UMODL1: variants seen among roughly 807,000 people sequenced by gnomAD.
The protein encoded by UMODL1 is uromodulin-like 1.
Under a neutral mutation model 136.3 loss-of-function variants are expected in UMODL1, and 128 were observed. That is an observed-to-expected ratio of 0.94 (90% CI 0.81 to 1.09). The LOEUF is 1.09. UMODL1 is among the 50% of genes least tolerant of loss of function. The pLI is 0.00. For synonymous variants in UMODL1, 721 were observed against 720.0 expected, an observed-to-expected ratio of 1.00 and a Z score of -0.02; for missense variants, 1,766 against 1,725.6, an observed-to-expected ratio of 1.02 and a Z score of -0.41.
rs117056099 is a variant in UMODL1 at position 42,125,022 on chromosome 21, G to A, written c.3148-1323G>A. Among the ~76,000 whole-genome samples the A allele has an allele frequency of 2.4e-3, 372 of 152,240 alleles. 20 individuals carry two copies. The East Asian group carries it at 0.067, about 28-fold the overall frequency. On this transcript the variant is annotated intron_variant, in intron 17 of 22. Transcript: ENST00000408910. The stretch of plus-strand genomic sequence containing the variant: ...TCCCTGTGGCTCTGCCTCTTGAGGA[G>A]CCTTGAGGGGGTGCTGCTTCTGGTT...
chr21:42,118,568 C>G (rs2066928003), intron 14 of UMODL1, among the ~76,000 whole-genome samples: 1 of 152,134 alleles, frequency 6.6e-6, no homozygotes, highest in Admixed American at 6.5e-5. Context: ...GCAGGAACCC[C>G]CTGTCCTAAT....
Position 42,111,035 on chromosome 21 carries a change from T to TGAG in UMODL1, c.1814_1815insAGG (p.Trp605delinsTer), listed in dbSNP as rs2146503215. ...GGGCACCCCGGCAGCAGGCCAGGCC[T>TGAG]GGACCCCAGAGCCCTCACCCAGAAG... On this transcript the variant is annotated stop_gained, in exon 11 of 23. Transcript: ENST00000408910. LOFTEE classifies it high-confidence loss of function. The TGAG allele has an allele frequency of 6.2e-7, 1 of 1,613,312 alleles. No homozygotes were observed. The highest frequency in any genetic ancestry group is 2.2e-5 in the East Asian group (1 of 44,864).
chr21:42,089,357 GCA>G (rs2066464413), intron 5 of UMODL1, among the ~76,000 whole-genome samples: 1 of 152,136 alleles, frequency 6.6e-6, no homozygotes. Flanking sequence ...CTTCAGATCC[GCA>G]CATGTTCTGC....
Position 42,123,320 on chromosome 21 carries a change from G to C in UMODL1, c.3147+170G>C, listed in dbSNP as rs2067005538. On this transcript the variant is annotated intron_variant, in intron 17 of 22. Transcript: ENST00000408910. This position sits in a 1 kb window ranked among gnomAD's most constrained non-coding sequence, Gnocchi z 4.4. ...CAACCAGGGACCAGCCTGCACCCCA[G>C]AATCGGAAGGGAGCTGTGAGTCCAC... Among the ~76,000 whole-genome samples, 1 of 152,340 alleles carries C rather than the reference G, an allele frequency of 6.6e-6. No homozygotes were observed. Among genetic ancestry groups the C allele is most frequent in the South Asian group, 2.1e-4 (1 of 4,830 alleles).
At chr21:42,130,567 A>G (rs185318483) in intron 21 of UMODL1, among the ~76,000 whole-genome samples, 115 of 151,960 alleles carry the variant, frequency 7.6e-4, no homozygotes, top group Non-Finnish European at 1.1e-3. Context: ...CATGGCTGCC[A>G]GGAATAAAAA....
At chr21:42,138,093 A>C (rs1050019515) in intron 22 of UMODL1, among the ~76,000 whole-genome samples, 5 of 152,182 alleles carry the variant, frequency 3.3e-5, no homozygotes, top group Middle Eastern at 3.4e-3. Context: ...GCCCACCACA[A>C]ATCCCATCTC....
At chr21:42,141,615 G>T (rs1370262630) in intron 22 of UMODL1, among the ~76,000 whole-genome samples, 1 of 152,170 alleles carries the variant, frequency 6.6e-6, no homozygotes, top group Non-Finnish European at 1.5e-5. Flanking sequence ...GTCTTTCTTT[G>T]TTCTCCCGGG....
intron 10 of UMODL1, among the ~76,000 whole-genome samples, chr21:42,110,246 A>C (rs2066800882): frequency 6.6e-6 from 1 of 152,172 alleles, no homozygotes; most frequent in Non-Finnish European, 1.5e-5. Context: ...CAGCAGGAGG[A>C]GGCCACGTAG....
In UMODL1 at chr21:42,103,866, A is replaced by G. The variant is rs780825820; in HGVS notation, c.1300-2A>G. 1 of 1,614,166 alleles carries G rather than the reference A, an allele frequency of 6.2e-7. No homozygotes were observed. Among genetic ancestry groups the G allele is most frequent in the Non-Finnish European group, 8.5e-7 (1 of 1,180,036 alleles). ...TGTCTGCTGTTGCCTCTTCTTGGCT[A>G]GGTCGAGAGCTCCTTCCCACCAGTG... On this transcript the variant is annotated splice_acceptor_variant, in intron 8 of 22. Coordinates refer to ENST00000408910, the MANE Select transcript of UMODL1 (RefSeq NM_001004416.3). LOFTEE classifies it high-confidence loss of function.
chr21:42,090,269 A>G, intron 5 of UMODL1, 29 bp from the exon 6 acceptor site: 1 of 1,612,882 alleles, frequency 6.2e-7, no homozygotes, highest in Non-Finnish European at 8.5e-7. Context: ...GCGACTGCTG[A>G]GTGTGGGTCC....
rs1344350016 is a variant in UMODL1 at position 42,126,495 on chromosome 21, G to A, written c.3293+5G>A. On this transcript the variant is annotated splice_donor_5th_base_variant and intron_variant, in intron 18 of 22. Transcript: ENST00000408910. ...CGGCTTCACCCTGGAGTGGGGGTAA[G>A]GGAGAAATGCCCCGGCTGCCCCACA... 6.2e-7 allele frequency: 1 copy of A among 1,614,102 alleles called. No individual in the cohort carries two copies. The highest frequency in any genetic ancestry group is 8.5e-7 in the Non-Finnish European group (1 of 1,180,042).
intron 4 of UMODL1, 118 bp from the exon 5 acceptor site, chr21:42,088,176 G>A: frequency 9.1e-7 from 1 of 1,095,534 alleles, no homozygotes; most frequent in Non-Finnish European, 1.3e-6. Context: ...GTTCTTTGCT[G>A]AAGAGCAGAA....
chr21:42,134,759 C>G (rs12481836), intron 21 of UMODL1, among the ~76,000 whole-genome samples: 48,530 of 150,850 alleles, frequency 0.32, 8,524 homozygotes, highest in East Asian at 0.49. Context: ...GGACTACAGG[C>G]GCGCACTACC....
At position 42,086,276 on chromosome 21, in the gene UMODL1, G is replaced by A. The variant is rs555858249; in HGVS notation, c.603+864G>A. 1.2e-4 allele frequency among the ~76,000 whole-genome samples: 19 copies of A among 152,336 alleles called. 1 individual carries two copies. The highest frequency in any genetic ancestry group is 7.7e-4 in the East Asian group (4 of 5,182). ...GAACACTTTTCAGACAAGGGGCCCC[G>A]CATTTTCCTTTGGCATCTGTGTAGC... is the stretch of plus-strand genomic sequence containing the variant. On this transcript the variant is annotated intron_variant, in intron 4 of 22. Coordinates refer to ENST00000408910, the MANE Select transcript of UMODL1 (RefSeq NM_001004416.3).
chr21:42,075,186 G>A (rs2066274538), intron 1 of UMODL1, among the ~76,000 whole-genome samples: 3 of 151,798 alleles, frequency 2.0e-5, no homozygotes, highest in Admixed American at 2.0e-4. Flanking sequence ...ACAGGCATGA[G>A]CCACCGCGCC....
chr21:42,077,687 G>C (rs1483936790), intron 2 of UMODL1, among the ~76,000 whole-genome samples: 3 of 152,326 alleles, frequency 2.0e-5, no homozygotes, highest in Admixed American at 6.5e-5. Flanking sequence ...GCTTGCACAA[G>C]TTAAGTCCTT....
At chr21:42,082,611 C>T (rs1326625796) in intron 2 of UMODL1, among the ~76,000 whole-genome samples, 1 of 152,180 alleles carries the variant, frequency 6.6e-6, no homozygotes, top group Non-Finnish European at 1.5e-5. Context: ...GGGGTCCCTC[C>T]TCCCTCTGTG....
chr21:42,125,402 C>T (rs972794717), intron 17 of UMODL1, among the ~76,000 whole-genome samples: 2 of 152,128 alleles, frequency 1.3e-5, no homozygotes, highest in Admixed American at 1.3e-4. Context: ...TTGCAGAGCA[C>T]AAGCTTGCCT....
At chr21:42,115,097 T>C (rs191249339) in intron 13 of UMODL1, among the ~76,000 whole-genome samples, 147 of 152,322 alleles carry the variant, frequency 9.7e-4, no homozygotes, top group African/African-American at 3.4e-3. Context: ...TCTGGGGAGA[T>C]GGACTCTAAG....
Sources: allele counts gnomAD v4.1 joint callset (sites outside exome capture counted in the v4.1 genomes callset), GRCh38; gene constraint gnomAD v4.1.1; non-coding constraint Gnocchi (gnomAD v3.1); transcripts MANE v1.5; gene names NCBI Gene and HGNC (gene_info 2026-07-23, HGNC 2026-07-21).